CEP83: variants seen among roughly 807,000 people sequenced by gnomAD.
CEP83 encodes the protein centrosomal protein 83.
In CEP83, 70 loss-of-function variants were observed where a neutral mutation model predicts 101.9. The observed-to-expected ratio is 0.69, with a 90% confidence interval of 0.57 to 0.84. CEP83 has a LOEUF of 0.84. Among genes scored for constraint, CEP83 ranks in the 40% least tolerant of loss-of-function variants. CEP83 has a pLI of 0.00. For missense variants in CEP83, 715 were observed against 787.2 expected (o/e 0.91, Z 1.10); for synonymous variants, 264 against 267.9 (o/e 0.99, Z 0.14).
chr12:94,456,026 C>T (rs1413018002), intron 1 of CEP83, among the ~76,000 whole-genome samples: 3 of 145,594 alleles, frequency 2.1e-5, no homozygotes, highest in East Asian at 2.0e-4. Context: ...CCAGCCTGGG[C>T]GACAGAGCAA....
intron 2 of CEP83, among the ~76,000 whole-genome samples, chr12:94,435,044 C>T (rs535560910): frequency 6.6e-6 from 1 of 152,154 alleles, no homozygotes. Flanking sequence ...GTCCCTTATT[C>T]CCATCTTGTA....
At chr12:94,413,783 A>G (rs1367653803) in intron 2 of CEP83, among the ~76,000 whole-genome samples, 1 of 141,896 alleles carries the variant, frequency 7.0e-6, no homozygotes, top group African/African-American at 2.5e-5. Context: ...TTTAATTAAA[A>G]TAGTTGTCTC....
chr12:94,320,343 T>C lies in CEP83; in HGVS notation c.1708-7326A>G, dbSNP rs557869033. ...AATGGGGGCACTTAGCCCATTTATATTCAAGGTCAGTATTAATATGTGTGG... is the reference window on the plus strand; with the variant it reads ...AATGGGGGCACTTAGCCCATTTATACTCAAGGTCAGTATTAATATGTGTGG... On this transcript the variant is annotated intron_variant, in intron 14 of 16. Coordinates refer to ENST00000397809, the MANE Select transcript of CEP83 (RefSeq NM_016122.3). Among the ~76,000 whole-genome samples the C allele has an allele frequency of 6.0e-4, 91 of 152,344 alleles. 1 individual carries two copies. In the South Asian group the frequency reaches 0.019, roughly 32 times the overall value.
chr12:94,388,829 A>C (rs1407260087), intron 6 of CEP83, among the ~76,000 whole-genome samples: 1 of 152,178 alleles, frequency 6.6e-6, no homozygotes, highest in Non-Finnish European at 1.5e-5. Flanking sequence ...GATTTTGCTA[A>C]ATTGAAAAAA....
the CEP83 span, among the ~76,000 whole-genome samples, chr12:94,274,673 A>T: frequency 1.3e-5 from 2 of 152,214 alleles, no homozygotes; most frequent in Non-Finnish European, 2.9e-5. Flanking sequence ...GTATTATGCC[A>T]TCCCATCGAT....
At chr12:94,390,559 C>A (rs1035507645) in intron 6 of CEP83, among the ~76,000 whole-genome samples, 5 of 152,124 alleles carry the variant, frequency 3.3e-5, no homozygotes, top group Admixed American at 6.5e-5. Flanking sequence ...AAAATCAAAG[C>A]GCCTCTTCTC....
chr12:94,436,057 C>G (rs1406744870), intron 1 of CEP83, among the ~76,000 whole-genome samples: 1 of 151,152 alleles, frequency 6.6e-6, no homozygotes, highest in Admixed American at 6.6e-5. Context: ...AGGAATCACC[C>G]TGTGGGACAA....
intron 11 of CEP83, among the ~76,000 whole-genome samples, chr12:94,336,974 G>A (rs1018026940): frequency 8.6e-5 from 13 of 151,990 alleles, no homozygotes; most frequent in African/African-American, 2.9e-4. Flanking sequence ...ACTTATAAAG[G>A]TTTCTTTCCA....
Position 94,308,679 on chromosome 12 carries a change from T to C in CEP83, c.*134A>G, listed in dbSNP as rs185349367. ...GACAGTCATACAATACAGCATGTAG[T>C]AGGTACCTTTTCTTGAGGCACATTC... On this transcript the variant is annotated 3_prime_UTR_variant, in exon 17 of 17. Transcript: ENST00000397809. The C allele has an allele frequency of 6.4e-6, 4 of 625,418 alleles. No individual in the cohort carries two copies. The highest frequency in any genetic ancestry group is 2.8e-5 in the East Asian group (1 of 36,072). The allele number at this position is 625,418 out of a possible 1,614,324, so 38.7% of individuals were successfully genotyped here. A position where few individuals can be genotyped will look rare whatever the true frequency, so the allele number is the denominator to read the frequency against.
chr12:94,269,451 C>A, the CEP83 span, among the ~76,000 whole-genome samples: 1 of 152,190 alleles, frequency 6.6e-6, no homozygotes, highest in Non-Finnish European at 1.5e-5. Flanking sequence ...TAAAATATCT[C>A]ATATACAACA....
chr12:94,290,283 A>C, the CEP83 span, among the ~76,000 whole-genome samples: 2 of 152,238 alleles, frequency 1.3e-5, no homozygotes, highest in Non-Finnish European at 2.9e-5. Context: ...GCTTCTCATA[A>C]ACTCGGTGTC....
At chr12:94,349,801 A>C (rs2060118921) in intron 11 of CEP83, among the ~76,000 whole-genome samples, 1 of 152,238 alleles carries the variant, frequency 6.6e-6, no homozygotes, top group Non-Finnish European at 1.5e-5. Flanking sequence ...CAATGAATTC[A>C]GCAAAGTAGC....
chr12:94,398,958 G>A lies in CEP83; in HGVS notation c.549+1892C>T, dbSNP rs2063079173. ...GGAAACCCCACCCTGGTAAATTTGG[G>A]GTCAGACCAGTTCTCTGCTCTCGAA... On this transcript the variant is annotated intron_variant, in intron 6 of 16. Coordinates refer to ENST00000397809, the MANE Select transcript of CEP83 (RefSeq NM_016122.3). Among the ~76,000 whole-genome samples the A allele has an allele frequency of 2.0e-5, 3 of 152,030 alleles. No homozygotes were observed. In the South Asian group the frequency reaches 6.2e-4, roughly 32 times the overall value.
the CEP83 span, among the ~76,000 whole-genome samples, chr12:94,290,521 C>T: frequency 6.6e-6 from 1 of 152,196 alleles, no homozygotes; most frequent in Admixed American, 6.5e-5. Flanking sequence ...GTGCTGCCCC[C>T]ACCCCACCAC....
rs565845586 is a variant in CEP83 at position 94,423,868 on chromosome 12, G to T, written c.-101-11277C>A. On this transcript the variant is annotated intron_variant, in intron 2 of 16. Coordinates refer to ENST00000397809, the MANE Select transcript of CEP83 (RefSeq NM_016122.3). ...AGGAAGGCACAGGGGTGTACTGGGA[G>T]ATGTAAGCTCCTTGCATAGCTGCAG... 656 of 1,612,512 alleles carry T rather than the reference G, an allele frequency of 4.1e-4. 6 individuals carry two copies. The South Asian group carries it at 5.0e-3, about 12-fold the overall frequency.
intron 8 of CEP83, among the ~76,000 whole-genome samples, chr12:94,374,113 G>C (rs1348948335): frequency 2.0e-5 from 3 of 152,094 alleles, no homozygotes; most frequent in Admixed American, 2.0e-4. Context: ...TCTTTCTTCA[G>C]CGGAGTAGGA....
intron 1 of CEP83, among the ~76,000 whole-genome samples, chr12:94,446,742 C>T (rs371709308): frequency 1.4e-4 from 21 of 151,910 alleles, no homozygotes; most frequent in African/African-American, 2.4e-4. Flanking sequence ...TGTTAAGTGA[C>T]GACATACTGT....
intron 11 of CEP83, among the ~76,000 whole-genome samples, chr12:94,342,724 A>G (rs138110374): frequency 6.6e-6 from 1 of 152,202 alleles, no homozygotes; most frequent in Non-Finnish European, 1.5e-5. Flanking sequence ...GGATAAAAGT[A>G]TACCAGGCAA....
chr12:94,321,096 TCTGA>T (rs1343205039), intron 14 of CEP83, among the ~76,000 whole-genome samples: 8 of 152,348 alleles, frequency 5.3e-5, no homozygotes, highest in African/African-American at 1.9e-4. Context: ...TTTATTTTTG[TCTGA>T]CTGTCTTACT....
Sources: allele counts gnomAD v4.1 joint callset (sites outside exome capture counted in the v4.1 genomes callset), GRCh38; gene constraint gnomAD v4.1.1; transcripts MANE v1.5; gene names NCBI Gene and HGNC (gene_info 2026-07-23, HGNC 2026-07-21).